Variants in CEP76 observed in about 807,000 individuals in gnomAD.
The protein encoded by CEP76 is centrosomal protein 76.
Under a neutral mutation model 83.3 loss-of-function variants are expected in CEP76, and 55 were observed. That is an observed-to-expected ratio of 0.66 (90% CI 0.53 to 0.83). CEP76 has a LOEUF of 0.83. Among genes scored for constraint, CEP76 ranks in the 40% least tolerant of loss-of-function variants. The pLI is 0.00. For synonymous variants in CEP76, 270 were observed against 274.5 expected (o/e 0.98, Z 0.16); for missense variants, 694 against 799.5 (o/e 0.87, Z 1.59).
At chr18:12,674,322 G>A (rs565097619) in intron 11 of CEP76, among the ~76,000 whole-genome samples, 10 of 151,872 alleles carry the variant, frequency 6.6e-5, no homozygotes, top group Admixed American at 3.3e-4. Context: ...CATGCCTGTG[G>A]TCCCAGTTGC....
At chr18:12,666,492 T>C (rs1049290313) in intron 12 of CEP76, among the ~76,000 whole-genome samples, 2 of 144,390 alleles carry the variant, frequency 1.4e-5, no homozygotes, top group African/African-American at 5.2e-5. Flanking sequence ...CAGGCTGGAG[T>C]GCATTGTGCA....
At chr18:12,681,120 C>T (rs914450866) in intron 8 of CEP76, among the ~76,000 whole-genome samples, 2 of 151,080 alleles carry the variant, frequency 1.3e-5, no homozygotes, top group African/African-American at 4.9e-5. Context: ...ATCACGTGAA[C>T]TTGGGAGGCG....
In CEP76 at chr18:12,697,350, A is replaced by G; in HGVS notation, c.579T>C (p.His193=). Residue 193 remains histidine (H), a synonymous_variant, in exon 5 of 12, where the codon CAT becomes CAC. Coordinates refer to ENST00000262127, the MANE Select transcript of CEP76 (RefSeq NM_024899.4). The part of the protein sequence containing the change: ...TTMLSISDPI[H]MVLIKTDIFG... The stretch of plus-strand genomic sequence containing the variant: ...ATATGTCTGTTTTGATTAGCACCAT[A>G]TGAATTGGATCACTTATTGATAACA... The G allele has an allele frequency of 6.2e-7, 1 of 1,613,760 alleles. No individual in the cohort carries two copies. The highest frequency in any genetic ancestry group is 8.5e-7 in the Non-Finnish European group (1 of 1,179,806).
chr18:12,679,241 G>C (rs970860272), intron 9 of CEP76: 1 of 152,236 alleles, frequency 6.6e-6, no homozygotes, highest in African/African-American at 2.4e-5. Flanking sequence ...AGACAGCCAG[G>C]TGGAAAGGGG....
At position 12,699,917 on chromosome 18, in the gene CEP76, G is replaced by GA; in HGVS notation, c.220-13_220-12insT. ...TGCTCAACACTGTCCTAGAAAGGCA[G>GA]GAAAAAAAAATCAAAACAAATTAGA... On this transcript the variant is annotated splice_polypyrimidine_tract_variant and intron_variant, in intron 2 of 11. Transcript: ENST00000262127. The GA allele has an allele frequency of 6.6e-7, 1 of 1,526,634 alleles. No homozygotes were observed. Among genetic ancestry groups the GA allele is most frequent in the Non-Finnish European group, 8.8e-7 (1 of 1,134,710 alleles). 94.6% of individuals were successfully genotyped at this position (1,526,634 alleles called of 1,614,324 possible).
At chr18:12,697,185 C>T in intron 5 of CEP76, 38 bp downstream of exon 5, 1 of 1,300,796 alleles carries the variant, frequency 7.7e-7, no homozygotes, top group African/African-American at 1.5e-5. Flanking sequence ...TGAACTGTGG[C>T]TATAAAAAGG....
chr18:12,671,361 T>C (rs557807538), downstream of CEP76, among the ~76,000 whole-genome samples: 5 of 152,304 alleles, frequency 3.3e-5, 1 homozygote, highest in South Asian at 1.0e-3. Flanking sequence ...CCAACTGGTA[T>C]AGAGTTACTT....
In CEP76 at chr18:12,686,280, G is replaced by T; in HGVS notation, c.1104C>A (p.Ala368=). 1 of 1,613,692 alleles carries T rather than the reference G, an allele frequency of 6.2e-7. No individual in the cohort carries two copies. The highest frequency in any genetic ancestry group is 8.5e-7 in the Non-Finnish European group (1 of 1,179,718). ...ATAATACCTTGTTTCTACAGAGAAA[G>T]GCCAGCAGAGTGCACCACTGCTCCT... ...GKQEQWCTLL[A]FLCRNKGDCE... Residue 368 remains alanine, a synonymous_variant, in exon 8 of 12, where the codon GCC becomes GCA. Coordinates refer to ENST00000262127, the MANE Select transcript of CEP76 (RefSeq NM_024899.4).
intron 10 of CEP76, 43 bp from the exon 11 acceptor site, chr18:12,674,796 T>C: frequency 7.6e-7 from 1 of 1,320,108 alleles, no homozygotes; most frequent in Non-Finnish European, 1.1e-6. Context: ...AATACATTAA[T>C]ATTTTTAAAA....
intron 8 of CEP76, chr18:12,686,057 A>T (rs2145044416): frequency 2.2e-6 from 1 of 446,446 alleles, no homozygotes; most frequent in African/African-American, 2.0e-5. Flanking sequence ...ACCATTTTTT[A>T]ATTTGTACTA....
At chr18:12,672,230 TCAGCCTCCTGAGTAGCTGGGATTA>T (rs1166289262), downstream of CEP76, among the ~76,000 whole-genome samples, 79 of 151,808 alleles carry the variant, frequency 5.2e-4, no homozygotes, top group African/African-American at 1.7e-3. Flanking sequence ...TTCTCCTGCC[TCAGCCTCCTGAGTAGCTGGGATTA>T]CAGGTGTGAG....
At chr18:12,701,946 T>G (rs1010938879) in intron 1 of CEP76, among the ~76,000 whole-genome samples, 1 of 151,870 alleles carries the variant, frequency 6.6e-6, no homozygotes, top group African/African-American at 2.4e-5. Context: ...CACACCAACA[T>G]GGTGAAACCG....
chr18:12,677,188 C>G (rs2039166495), intron 10 of CEP76, among the ~76,000 whole-genome samples: 2 of 152,090 alleles, frequency 1.3e-5, no homozygotes, highest in South Asian at 4.1e-4. Context: ...CGCAGTGGCT[C>G]ACAACTGTAA....
At chr18:12,683,301 G>A (rs1456942364) in intron 8 of CEP76, among the ~76,000 whole-genome samples, 2 of 151,224 alleles carry the variant, frequency 1.3e-5, no homozygotes, top group Non-Finnish European at 1.5e-5. Context: ...GCAGTGAGTC[G>A]AGATCGTGAC....
intron 12 of CEP76, among the ~76,000 whole-genome samples, chr18:12,666,590 C>T (rs1027355009): frequency 1.3e-5 from 2 of 151,840 alleles, no homozygotes; most frequent in African/African-American, 4.8e-5. Flanking sequence ...CAGGTGCACG[C>T]ACCATGCCTG....
downstream of CEP76, among the ~76,000 whole-genome samples, chr18:12,667,697 G>A (rs1376524538): frequency 1.3e-5 from 2 of 150,516 alleles, no homozygotes; most frequent in African/African-American, 2.4e-5. Context: ...GGAGGCAGAG[G>A]TTGCAGTGAA....
At chr18:12,692,662 ATTATT>A (rs757392612) in intron 6 of CEP76, among the ~76,000 whole-genome samples, 1 of 152,088 alleles carries the variant, frequency 6.6e-6, no homozygotes, top group Non-Finnish European at 1.5e-5. Flanking sequence ...CTACTATCTG[ATTATT>A]TTGTTTGCTG....
At chr18:12,669,700 A>T (rs1358053854), downstream of CEP76, among the ~76,000 whole-genome samples, 1 of 152,180 alleles carries the variant, frequency 6.6e-6, no homozygotes, top group Non-Finnish European at 1.5e-5. Flanking sequence ...GGTAAATTTA[A>T]TTCTTAAAAA....
chr18:12,702,727 G>A (rs2040202778), upstream of CEP76: 2 of 660,818 alleles, frequency 3.0e-6, no homozygotes, highest in Admixed American at 6.5e-5. Context: ...TGGAAATGAG[G>A]CCCCGGCGGC....
Sources: gnomAD v4.1 joint callset for allele counts (sites outside exome capture counted in the v4.1 genomes callset) on GRCh38, gnomAD v4.1.1 for gene constraint, MANE v1.5 for transcripts, NCBI Gene and HGNC (gene_info 2026-07-23, HGNC 2026-07-21) for gene names.